Variants in ZNF608 observed in about 807,000 individuals in gnomAD.
The protein encoded by ZNF608 is zinc finger protein 608, also known as renal carcinoma antigen NY-REN-36.
A neutral mutation model predicts 109.0 loss-of-function variants in ZNF608; 12 were observed. The ratio of observed to expected loss-of-function variants is 0.11; its 90% CI spans 0.07 to 0.18. The LOEUF (loss-of-function observed/expected upper bound fraction) is 0.18. Ranked by LOEUF, ZNF608 falls within the 10% of genes least tolerant of loss-of-function variation. The pLI, the probability that ZNF608 is intolerant of heterozygous loss-of-function variation, is 1.00. For missense variants in ZNF608, 1,707 were observed against 1,879.3 expected, an observed-to-expected ratio of 0.91 and a Z score of 1.70; for synonymous variants, 732 against 717.4, an observed-to-expected ratio of 1.02 and a Z score of -0.33.
rs1174757111 is a variant in ZNF608, at chr5:124,647,941, CCTTTTT to C, written c.2437_2442del (p.Lys813_Lys814del). On this transcript the variant is annotated inframe_deletion, in exon 5 of 10. Coordinates refer to ENST00000513986, the MANE Select transcript of ZNF608 (RefSeq NM_020747.3). The stretch of plus-strand genomic sequence containing the variant: ...TCTTTGTCCTTTAGCTTTCGCTTCT[CCTTTTT>C]CTTTTTGTCTTTGAGTGACACCAGA... 6.2e-7 allele frequency: 1 copy of C among 1,614,116 alleles called. No individual in the cohort carries two copies. The highest frequency in any genetic ancestry group is 1.3e-5 in the African/African-American group (1 of 75,012).
intron 3 of ZNF608, among the ~76,000 whole-genome samples, chr5:124,687,215 T>C (rs1468775564): frequency 6.6e-6 from 1 of 152,184 alleles, no homozygotes; most frequent in African/African-American, 2.4e-5. Flanking sequence ...GTCATTTTCT[T>C]TGGATGGTCT....
rs10666145 is a variant in ZNF608 at position 124,690,954 on chromosome 5, C to CACACAA, written c.1162+10059_1162+10060insTTGTGT. On this transcript the variant is annotated intron_variant, in intron 3 of 9. Transcript: ENST00000513986. ...ACACACACACACACACACACACACA[C>CACACAA]ATAATGGAAAAGTGTGCAAAATTTT... Among the ~76,000 whole-genome samples the CACACAA allele has an allele frequency of 5.5e-3, 833 of 150,794 alleles. 4 individuals carry two copies. Among genetic ancestry groups the CACACAA allele is most frequent in the Middle Eastern group, 0.017 (5 of 294 alleles).
rs868843318 is a variant in ZNF608, at chr5:124,727,670, A to C, written c.906+16414T>G. Among the ~76,000 whole-genome samples the C allele has an allele frequency of 3.3e-3, 478 of 146,192 alleles. 6 individuals carry two copies. Among genetic ancestry groups the C allele is most frequent in the African/African-American group, 0.011 (434 of 39,598 alleles). On this transcript the variant is annotated intron_variant, in intron 2 of 9. Transcript: ENST00000513986. ...ATCAGACCAAAAAAAAAAAAAAAAA[A>C]CCACACACATCAGATACAGCTTCAG...
At chr5:124,639,808 G>C (rs1477804540) in intron 8 of ZNF608, among the ~76,000 whole-genome samples, 1 of 152,032 alleles carries the variant, frequency 6.6e-6, no homozygotes, top group Admixed American at 6.6e-5. Context: ...GACAGTCCTG[G>C]GGAAAAATAG....
intron 2 of ZNF608, among the ~76,000 whole-genome samples, chr5:124,730,142 C>A (rs1247834553): frequency 6.6e-6 from 1 of 152,174 alleles, no homozygotes; most frequent in African/African-American, 2.4e-5. Flanking sequence ...CCTCCTACTA[C>A]TGGTGTGTGC....
chr5:124,696,543 CACTT>C (rs1406680034), intron 3 of ZNF608, among the ~76,000 whole-genome samples: 2 of 152,160 alleles, frequency 1.3e-5, no homozygotes, highest in Non-Finnish European at 2.9e-5. Context: ...GCATTGGACT[CACTT>C]GAGAAATCAA....
chr5:124,698,381 A>G (rs182082353), intron 3 of ZNF608, among the ~76,000 whole-genome samples: 81 of 152,324 alleles, frequency 5.3e-4, no homozygotes, highest in African/African-American at 1.6e-3. Flanking sequence ...AATTCTTTGG[A>G]GGTCAGAAGT....
chr5:124,647,831 C>T lies in ZNF608; in HGVS notation c.2553G>A (p.Gly851=). The T allele has an allele frequency of 1.2e-6, 2 of 1,614,194 alleles. No homozygotes were observed. The highest frequency in any genetic ancestry group is 1.1e-5 in the South Asian group (1 of 91,084). The change falls in exon 5 of 10, where the codon GGG becomes GGA. Residue 851 remains glycine (G), a synonymous_variant. Transcript: ENST00000513986. ...DSKGASKDLP[G]HFLKDHLNKN... is the part of the protein sequence containing the mutation. ...TGTTGAGATGATCCTTTAAAAAATG[C>T]CCAGGTAAATCTTTGCTGGCCCCCT...
intron 2 of ZNF608, among the ~76,000 whole-genome samples, chr5:124,723,129 C>G (rs1312674496): frequency 2.6e-5 from 4 of 151,418 alleles, no homozygotes; most frequent in Admixed American, 6.6e-5. Flanking sequence ...CTCCCCAGTT[C>G]AAGCAATTCT....
At chr5:124,710,607 T>C (rs1753450999) in intron 2 of ZNF608, 1 of 160,824 alleles carries the variant, frequency 6.2e-6, no homozygotes, top group Non-Finnish European at 1.4e-5. Flanking sequence ...AAAATCTGAA[T>C]ATTGCTCACA....
chr5:124,727,295 T>C (rs1748651438), intron 2 of ZNF608, among the ~76,000 whole-genome samples: 1 of 152,214 alleles, frequency 6.6e-6, no homozygotes, highest in East Asian at 1.9e-4. Context: ...AAAGTATCAC[T>C]GCTTATACAG....
rs1007386597 is a variant in ZNF608, at chr5:124,701,141, A to C, written c.1035T>G (p.Val345=). The change falls in exon 3 of 10, where the codon GTT becomes GTG. Residue 345 remains valine (V), a synonymous_variant. Transcript: ENST00000513986. ...NIAAPVEQLL[V]RTRSVGVNTC... ...TATTGACACCCACAGAACGAGTCCG[A>C]ACCAAAAGCTGTTCAACCGGTGCTG... is the stretch of plus-strand genomic sequence containing the variant. 3 of 1,614,038 alleles carry C rather than the reference A, an allele frequency of 1.9e-6. No homozygotes were observed. The highest frequency in any genetic ancestry group is 2.5e-6 in the Non-Finnish European group (3 of 1,180,024).
chr5:124,732,597 T>C (rs1275482289), intron 2 of ZNF608, among the ~76,000 whole-genome samples: 1 of 151,938 alleles, frequency 6.6e-6, no homozygotes, highest in Non-Finnish European at 1.5e-5. Context: ...CAACTGCTTT[T>C]CCCCCTCCAA....
At chr5:124,694,774 A>G (rs1367172970) in intron 3 of ZNF608, among the ~76,000 whole-genome samples, 2 of 142,158 alleles carry the variant, frequency 1.4e-5, no homozygotes, top group African/African-American at 5.3e-5. Context: ...CCTGTGTCCA[A>G]GTGTCCTCAT....
intron 2 of ZNF608, among the ~76,000 whole-genome samples, chr5:124,732,537 G>T (rs975243490): frequency 1.7e-4 from 24 of 137,466 alleles, no homozygotes; most frequent in South Asian, 4.7e-4. Flanking sequence ...GGGTTTTTTT[G>T]TTTGTTCAAA....
At chr5:124,669,950 A>G (rs1420305996) in intron 3 of ZNF608, among the ~76,000 whole-genome samples, 1 of 152,190 alleles carries the variant, frequency 6.6e-6, no homozygotes, top group Non-Finnish European at 1.5e-5. Flanking sequence ...ATTTTGATTA[A>G]TTACTTTCCA....
At chr5:124,645,257 T>A (rs559749178) in intron 5 of ZNF608, among the ~76,000 whole-genome samples, 1 of 152,294 alleles carries the variant, frequency 6.6e-6, no homozygotes, top group Non-Finnish European at 1.5e-5. Context: ...AAAACAAAAT[T>A]TCAAATTAAT....
chr5:124,742,930 C>A (rs1279180526), intron 2 of ZNF608, among the ~76,000 whole-genome samples: 1 of 152,208 alleles, frequency 6.6e-6, no homozygotes, highest in African/African-American at 2.4e-5. Context: ...CCACAACCCA[C>A]ATGACAGAAA....
chr5:124,718,065 G>T (rs1038075600), intron 2 of ZNF608, among the ~76,000 whole-genome samples: 2 of 152,136 alleles, frequency 1.3e-5, no homozygotes, highest in African/African-American at 4.8e-5. Flanking sequence ...CTGAGCACAG[G>T]CCCACATTCT....
Sources: allele counts gnomAD v4.1 joint callset (sites outside exome capture counted in the v4.1 genomes callset), GRCh38; gene constraint gnomAD v4.1.1; transcripts MANE v1.5; gene names NCBI Gene and HGNC (gene_info 2026-07-23, HGNC 2026-07-21).